Variants in MATN3 observed in about 807,000 individuals in gnomAD.
The protein encoded by MATN3 is matrilin 3, also known as matrilin-3.
In MATN3, 48 loss-of-function variants were observed where a neutral mutation model predicts 45.3. The ratio of observed to expected loss-of-function variants is 1.06; its 90% CI spans 0.84 to 1.35. MATN3 has a LOEUF of 1.35. MATN3 is among the 40% of genes most tolerant of loss of function. The probability of loss-of-function intolerance (pLI) is 0.00; values close to 1 mark genes in which losing one functional copy is unlikely to be tolerated. For missense variants in MATN3, 599 were observed against 628.0 expected, an observed-to-expected ratio of 0.95 and a Z score of 0.49; for synonymous variants, 217 against 245.9, an observed-to-expected ratio of 0.88 and a Z score of 1.10.
At chr2:19,994,863 AG>A (rs1672831127) in intron 6 of MATN3, among the ~76,000 whole-genome samples, 1 of 152,150 alleles carries the variant, frequency 6.6e-6, no homozygotes. Context: ...CTGAGGCAGA[AG>A]GATCACTTGA....
At chr2:20,002,202 A>C in intron 3 of MATN3, 122 bp from the exon 4 acceptor site, 1 of 836,830 alleles carries the variant, frequency 1.2e-6, no homozygotes, top group Non-Finnish European at 1.8e-6. Context: ...AGAGCTAATG[A>C]AACAAGGGAG....
In MATN3 at chr2:20,006,199, G is replaced by A. The variant is rs775571853; in HGVS notation, c.335C>T (p.Thr112Ile). 6 of 1,613,918 alleles carry A rather than the reference G, an allele frequency of 3.7e-6. No homozygotes were observed. Among genetic ancestry groups the A allele is most frequent in the Non-Finnish European group, 4.2e-6 (5 of 1,179,860 alleles). Residue 112 changes from threonine to isoleucine, a missense_variant, in exon 2 of 8, where the codon ACT (threonine) becomes ATT (isoleucine). By Grantham distance (89) the Thr-to-Ile change is moderately conservative. Coordinates refer to ENST00000407540, the MANE Select transcript of MATN3 (RefSeq NM_002381.5). ...VKTFVSRIIDTLDIGPADTRV... is the reference protein window; with the variant it reads ...VKTFVSRIIDILDIGPADTRV... ...CGTGTCGGCTGGCCCAATGTCCAGA[G>A]TGTCGATTATCCGGGAGACAAAAGT...
At chr2:20,004,466 T>C (rs571292555) in intron 2 of MATN3, among the ~76,000 whole-genome samples, 1 of 152,136 alleles carries the variant, frequency 6.6e-6, no homozygotes, top group Non-Finnish European at 1.5e-5. Flanking sequence ...AGCCAACGAA[T>C]GCCAAGTAGA....
intron 7 of MATN3, among the ~76,000 whole-genome samples, chr2:19,993,957 C>T (rs1252733643): frequency 6.6e-6 from 1 of 152,136 alleles, no homozygotes; most frequent in Non-Finnish European, 1.5e-5. Flanking sequence ...AGCTGACTTG[C>T]TTTGTACATG....
At chr2:20,004,353 C>T (rs1314334176) in intron 2 of MATN3, 1 of 152,222 alleles carries the variant, frequency 6.6e-6, no homozygotes, top group Non-Finnish European at 1.5e-5. Context: ...GCTTTGAAAC[C>T]CAACTTTGCC....
intron 1 of MATN3, among the ~76,000 whole-genome samples, chr2:20,008,674 T>C (rs1259143501): frequency 6.6e-6 from 1 of 152,104 alleles, no homozygotes; most frequent in Non-Finnish European, 1.5e-5. Context: ...GAGGTGGTTT[T>C]TATATTCATT....
intron 1 of MATN3, among the ~76,000 whole-genome samples, chr2:20,006,656 C>T (rs1673113185): frequency 6.6e-6 from 1 of 152,192 alleles, no homozygotes; most frequent in South Asian, 2.1e-4. Context: ...TTCTTAAGTA[C>T]CTTGGCTATC....
intron 4 of MATN3, 91 bp from the exon 5 acceptor site, chr2:20,000,657 A>G: frequency 7.6e-7 from 1 of 1,314,094 alleles, no homozygotes; most frequent in Non-Finnish European, 1.0e-6. Flanking sequence ...CTGGAAACAT[A>G]TGAGGAAAAC....
At chr2:19,999,068 T>C (rs1672933835) in intron 5 of MATN3, 1 of 152,220 alleles carries the variant, frequency 6.6e-6, no homozygotes, top group African/African-American at 2.4e-5. Context: ...GAATATGGAA[T>C]ACTGGCATCT....
intron 6 of MATN3, 104 bp downstream of exon 6, chr2:19,997,030 G>T: frequency 1.6e-6 from 2 of 1,271,320 alleles, no homozygotes; most frequent in Non-Finnish European, 2.2e-6. Context: ...GGAGAATTCT[G>T]ACAGGGAGAA....
At position 20,012,114 on chromosome 2, in the gene MATN3, TAGCAGCAGCCGCTG is replaced by T. The variant is rs920359844; in HGVS notation, c.223+281_223+294del. Among the ~76,000 whole-genome samples the T allele has an allele frequency of 3.9e-5, 6 of 152,114 alleles. No homozygotes were observed. Among genetic ancestry groups the T allele is most frequent in the Admixed American group, 2.6e-4 (4 of 15,286 alleles). Reference sequence around the variant, plus strand: ...GAGAGGTCAGGACTGGGACGGAGCTTAGCAGCAGCCGCTGGGCAGCAGCCCCTGCGCTCCCCAGC... The same window carrying T: ...GAGAGGTCAGGACTGGGACGGAGCTTGGCAGCAGCCCCTGCGCTCCCCAGC... On this transcript the variant is annotated intron_variant, in intron 1 of 7. Coordinates refer to ENST00000407540, the MANE Select transcript of MATN3 (RefSeq NM_002381.5). This position sits in a 1 kb window ranked among gnomAD's most constrained non-coding sequence, Gnocchi z 4.3.
At chr2:20,000,724 G>A (rs1672969540) in intron 4 of MATN3, among the ~76,000 whole-genome samples, 158 bp from the exon 5 acceptor site, 1 of 152,190 alleles carries the variant, frequency 6.6e-6, no homozygotes, top group African/African-American at 2.4e-5. Context: ...GAAGTTAACT[G>A]AGTTAAGTGA....
At chr2:19,994,091 G>C (rs1426640932) in intron 7 of MATN3, among the ~76,000 whole-genome samples, 1 of 152,194 alleles carries the variant, frequency 6.6e-6, no homozygotes, top group Non-Finnish European at 1.5e-5. Context: ...AAAATAGGCA[G>C]CTTTTACATG....
chr2:20,008,413 T>C (rs1329536487), intron 1 of MATN3, among the ~76,000 whole-genome samples: 1 of 152,184 alleles, frequency 6.6e-6, no homozygotes, highest in African/African-American at 2.4e-5. Context: ...AGGAAGGTAA[T>C]ACTTAGTAGG....
At chr2:20,005,660 A>AC in intron 2 of MATN3, 84 bp downstream of exon 2, 2 of 1,180,218 alleles carry the variant, frequency 1.7e-6, no homozygotes, top group Non-Finnish European at 2.3e-6. Flanking sequence ...TTTCCACCAA[A>AC]AAAGAATAAT....
intron 5 of MATN3, among the ~76,000 whole-genome samples, chr2:19,998,767 G>GAA (rs150173660): frequency 0.099 from 11,837 of 119,986 alleles, 763 homozygotes; most frequent in East Asian, 0.22. Flanking sequence ...AAAAAGAGAA[G>GAA]AAAAAAAAAT....
chr2:20,003,423 G>T, intron 2 of MATN3, 137 bp from the exon 3 acceptor site: 1 of 814,360 alleles, frequency 1.2e-6, no homozygotes, highest in Non-Finnish European at 1.8e-6. Context: ...ATGGTTATTT[G>T]TTTTCTGCCT....
chr2:20,006,301 T>C lies in MATN3; in HGVS notation c.233A>G (p.Lys78Arg). The change falls in exon 2 of 8, where the codon AAG (lysine) becomes AGG (arginine). Residue 78 changes from lysine to arginine, a missense_variant. Transcript: ENST00000407540. The part of the protein sequence containing the change: ...PGRARGAGVC[K>R]SRPLDLVFII... ...AAACACCAGGTCCAAGGGTCTGCTC[T>C]TGCAAACACCTGCAAAAGACCAAGC... The C allele has an allele frequency of 6.4e-7, 1 of 1,556,556 alleles. No homozygotes were observed.
intron 6 of MATN3, 21 bp downstream of exon 6, chr2:19,997,112 GC>G (rs1166435598): frequency 6.2e-7 from 1 of 1,611,428 alleles, no homozygotes; most frequent in East Asian, 2.2e-5. Context: ...AAAGGAAATA[GC>G]CTTAAAGGGC....
Sources: allele counts gnomAD v4.1 joint callset (sites outside exome capture counted in the v4.1 genomes callset), GRCh38; gene constraint gnomAD v4.1.1; non-coding constraint Gnocchi (gnomAD v3.1); transcripts MANE v1.5; gene names NCBI Gene and HGNC (gene_info 2026-07-23, HGNC 2026-07-21).